Variants in TESPA1 observed in about 807,000 individuals in gnomAD.
The protein encoded by TESPA1 is protein TESPA1.
In TESPA1, 33 loss-of-function variants were observed where a neutral mutation model predicts 57.9. The observed-to-expected ratio is 0.57, with a 90% CI of 0.43 to 0.76. TESPA1 has a LOEUF of 0.76. Ranked by LOEUF, TESPA1 falls within the 30% of genes least tolerant of loss-of-function variation. The pLI, the probability that TESPA1 is intolerant of heterozygous loss-of-function variation, is 0.00. For missense variants in TESPA1, 618 were observed against 632.9 expected (o/e 0.98, Z 0.25); for synonymous variants, 227 against 228.9 (o/e 0.99, Z 0.07).
At position 54,962,849 on chromosome 12, in the gene TESPA1, C is replaced by T. The variant is rs761645482; in HGVS notation, c.1049G>A (p.Gly350Asp). 1.2e-6 allele frequency: 2 copies of T among 1,613,794 alleles called. No homozygotes were observed. Among genetic ancestry groups the T allele is most frequent in the Non-Finnish European group, 1.7e-6 (2 of 1,179,800 alleles). The change falls in exon 9 of 11, where the codon GGT (glycine) becomes GAT (aspartate). Residue 350 changes from glycine to aspartate, a missense_variant. Gly to Asp is a moderately conservative substitution (Grantham distance 94). This residue lies in a region of TESPA1 where 409 missense variants were observed against 420.1 expected (regional missense o/e 0.97). Coordinates refer to ENST00000449076, the MANE Select transcript of TESPA1 (RefSeq NM_001136030.3). ...SQEDPVPPAEGKKLPTSPYPC... is the reference protein window; with the variant it reads ...SQEDPVPPAEDKKLPTSPYPC... ...ATAGGGAGAAGTGGGCAACTTCTTA[C>T]CCTCAGCAGGGGGCACAGGATCTTC...
chr12:54,981,699 G>A (rs1952330284), intron 1 of TESPA1: 1 of 152,276 alleles, frequency 6.6e-6, no homozygotes, highest in African/African-American at 2.4e-5. Flanking sequence ...GAAAGAGAGA[G>A]AGAGAGGGAG....
At chr12:54,984,829 C>T (rs1592439355), upstream of TESPA1, 4 of 152,470 alleles carry the variant, frequency 2.6e-5, no homozygotes, top group Admixed American at 2.6e-4. Flanking sequence ...CAGCCACATC[C>T]TTTGCTCCGG....
chr12:54,964,566 G>A (rs75985259), intron 7 of TESPA1, among the ~76,000 whole-genome samples: 6,259 of 152,274 alleles, frequency 0.041, 181 homozygotes, highest in Non-Finnish European at 0.06. Context: ...TGTCTAAATC[G>A]GAGTTCCACC....
At position 54,974,586 on chromosome 12, in the gene TESPA1, C is replaced by T. The variant is rs1217383393; in HGVS notation, c.-24G>A. On this transcript the variant is annotated 5_prime_UTR_variant, in exon 2 of 11. Transcript: ENST00000449076. ...ATGGCCCTGGCTCAGACTTCAGGGCCTCCCGTAACAGTAATGCCGTCCTAA... is the reference window on the plus strand; with the variant it reads ...ATGGCCCTGGCTCAGACTTCAGGGCTTCCCGTAACAGTAATGCCGTCCTAA... The T allele has an allele frequency of 1.3e-6, 2 of 1,516,894 alleles. No individual in the cohort carries two copies. The highest frequency in any genetic ancestry group is 2.4e-5 in the East Asian group (1 of 40,966). 94.0% of individuals were successfully genotyped at this position (1,516,894 alleles called of 1,614,324 possible).
chr12:54,961,632 G>T (rs1344436308), intron 9 of TESPA1, among the ~76,000 whole-genome samples: 1 of 152,154 alleles, frequency 6.6e-6, no homozygotes, highest in Non-Finnish European at 1.5e-5. Context: ...ACGAAGAGTT[G>T]GTGGACTTAG....
chr12:54,961,907 C>T (rs189174409), intron 9 of TESPA1, among the ~76,000 whole-genome samples: 38 of 152,164 alleles, frequency 2.5e-4, no homozygotes, highest in African/African-American at 8.7e-4. Context: ...ATGCAAGGTC[C>T]CTTATGGTAT....
rs74967086 is a variant in TESPA1 at position 54,949,957 on chromosome 12, C to A, written c.*435G>T. On this transcript the variant is annotated 3_prime_UTR_variant, in exon 11 of 11. Coordinates refer to ENST00000449076, the MANE Select transcript of TESPA1 (RefSeq NM_001136030.3). Reference sequence around the variant, plus strand: ...CCAGAAAGTGAGGTGTCCTTCCTCTCTTCACTTGGGCCTTTTGAAAGTATT... The same window carrying A: ...CCAGAAAGTGAGGTGTCCTTCCTCTATTCACTTGGGCCTTTTGAAAGTATT... The A allele has an allele frequency of 0.015, 2,749 of 189,470 alleles. 75 individuals carry two copies. Among genetic ancestry groups the A allele is most frequent in the African/African-American group, 0.061 (2,571 of 42,222 alleles). The allele number at this position is 189,470 out of a possible 1,614,324, so 11.7% of individuals were successfully genotyped here. A position where few individuals can be genotyped will look rare whatever the true frequency, so the allele number is the denominator to read the frequency against.
At chr12:54,963,673 C>T (rs1418202557) in intron 8 of TESPA1, 69 bp downstream of exon 8, 1 of 1,504,352 alleles carries the variant, frequency 6.6e-7, no homozygotes, top group African/African-American at 1.4e-5. Flanking sequence ...GGATTTGAAG[C>T]CACTGAGCCC....
intron 1 of TESPA1, among the ~76,000 whole-genome samples, chr12:54,982,543 A>G (rs943148666): frequency 6.6e-6 from 1 of 152,342 alleles, no homozygotes; most frequent in South Asian, 2.1e-4. Flanking sequence ...AAAGGCTTGT[A>G]TAATTGCTAC....
At chr12:54,978,355 C>T (rs1320017540) in intron 1 of TESPA1, among the ~76,000 whole-genome samples, 2 of 152,088 alleles carry the variant, frequency 1.3e-5, no homozygotes, top group Non-Finnish European at 2.9e-5. Flanking sequence ...CAGTTTAATC[C>T]TCTAGGAAAG....
chr12:54,962,931 C>T lies in TESPA1; in HGVS notation c.967G>A (p.Val323Met). 1 of 1,613,804 alleles carries T rather than the reference C, an allele frequency of 6.2e-7. No individual in the cohort carries two copies. The part of the protein sequence containing the change: ...DQVVLEVMDK[V>M]KEEKQFLQQD... ...TGGAGGAACTGCTTCTCTTCTTTCA[C>T]TTTGTCCATCACTTCCAACACAACT... Residue 323 changes from valine (V) to methionine (M), a missense_variant, in exon 9 of 11, where the codon GTG becomes ATG. By Grantham distance (21) the Val-to-Met change is conservative. This residue lies in a region of TESPA1 where 409 missense variants were observed against 420.1 expected (regional missense o/e 0.97). Coordinates refer to ENST00000449076, the MANE Select transcript of TESPA1 (RefSeq NM_001136030.3).
intron 10 of TESPA1, among the ~76,000 whole-genome samples, chr12:54,951,100 C>A (rs974470462): frequency 1.3e-5 from 2 of 152,160 alleles, no homozygotes; most frequent in African/African-American, 4.8e-5. Flanking sequence ...TGTGTCCCCA[C>A]CCAAATATCA....
At chr12:54,958,175 A>T (rs1173392519) in intron 10 of TESPA1, among the ~76,000 whole-genome samples, 1 of 152,196 alleles carries the variant, frequency 6.6e-6, no homozygotes, top group Non-Finnish European at 1.5e-5. Flanking sequence ...TTGCCCAGGA[A>T]TGTATAACCA....
At chr12:54,973,628 T>C (rs1036780425) in intron 2 of TESPA1, 109 bp from the exon 3 acceptor site, 32 of 1,575,600 alleles carry the variant, frequency 2.0e-5, no homozygotes, top group Non-Finnish European at 2.6e-5. Flanking sequence ...GCGTCATGAA[T>C]CTTTTTTTCT....
chr12:54,952,139 A>G (rs10876666), intron 10 of TESPA1, among the ~76,000 whole-genome samples: 31,223 of 152,106 alleles, frequency 0.21, 5,456 homozygotes, highest in East Asian at 0.84. Context: ...CTATATAAGA[A>G]GAGGAAGGGA....
In TESPA1 at chr12:54,962,529, G is replaced by A. The variant is rs746585717; in HGVS notation, c.1369C>T (p.Leu457=). Residue 457 remains leucine (L), a synonymous_variant, in exon 9 of 11, where the codon CTG becomes TTG. Transcript: ENST00000449076. ...TTCCATTTCTGCTGGGTGATGGACA[G>A]GTCCAAGGACTTAACCTTCCTGCCC... ...LMGRKVKSLD[L]SITQQKWKQS... The A allele has an allele frequency of 3.1e-6, 5 of 1,613,636 alleles. No homozygotes were observed. The highest frequency in any genetic ancestry group is 8.5e-7 in the Non-Finnish European group (1 of 1,179,900).
chr12:54,958,461 A>C (rs1242284942), intron 10 of TESPA1, among the ~76,000 whole-genome samples: 1 of 151,828 alleles, frequency 6.6e-6, no homozygotes, highest in African/African-American at 2.4e-5. Flanking sequence ...TGTAGTTTAA[A>C]AATTATAAGC....
In TESPA1 at chr12:54,963,094, C is replaced by T; in HGVS notation, c.804G>A (p.Arg268=). Residue 268 remains arginine, a synonymous_variant, in exon 9 of 11, where the codon AGG becomes AGA. Transcript: ENST00000449076. ...GGGGTTCAGGCTCTCGGGACAGAATCCTGATGGATGGCACATCAGTTGGAT... is the reference window on the plus strand; with the variant it reads ...GGGGTTCAGGCTCTCGGGACAGAATTCTGATGGATGGCACATCAGTTGGAT... ...CNHPTDVPSI[R]ILSREPEPQS... 1 of 1,613,868 alleles carries T rather than the reference C, an allele frequency of 6.2e-7. No individual in the cohort carries two copies.
chr12:54,970,411 T>C (rs1256247659), intron 3 of TESPA1, among the ~76,000 whole-genome samples: 1 of 152,234 alleles, frequency 6.6e-6, no homozygotes, highest in Non-Finnish European at 1.5e-5. Flanking sequence ...CTTGTATTCA[T>C]TGGATACAAG....
Sources: gnomAD v4.1 joint callset for allele counts (sites outside exome capture counted in the v4.1 genomes callset) on GRCh38, gnomAD v4.1.1 for gene constraint, gnomAD v4.1.1 regional missense constraint, MANE v1.5 for transcripts, NCBI Gene and HGNC (gene_info 2026-07-23, HGNC 2026-07-21) for gene names.